Variants in ARHGAP15 observed in about 807,000 individuals in gnomAD.
ARHGAP15 encodes the protein rho GTPase-activating protein 15.
Under a neutral mutation model 63.7 loss-of-function variants are expected in ARHGAP15, and 51 were observed. The observed-to-expected ratio is 0.80, with a 90% CI of 0.64 to 1.01. The LOEUF (loss-of-function observed/expected upper bound fraction) is 1.01, where lower values mean the gene tolerates loss of function less well. ARHGAP15 is among the 50% of genes least tolerant of loss of function. ARHGAP15 has a pLI of 0.00. For missense variants in ARHGAP15, 560 were observed against 564.6 expected, an observed-to-expected ratio of 0.99 and a Z score of 0.08; for synonymous variants, 191 against 193.8, an observed-to-expected ratio of 0.99 and a Z score of 0.12.
At chr2:143,413,884 A>C (rs1688551256) in intron 6 of ARHGAP15, among the ~76,000 whole-genome samples, 1 of 148,992 alleles carries the variant, frequency 6.7e-6, no homozygotes, top group African/African-American at 2.5e-5. Context: ...CATGTTTTCT[A>C]TGTGTTGTTA....
chr2:143,559,847 A>G (rs997079204), intron 11 of ARHGAP15, among the ~76,000 whole-genome samples: 2 of 152,222 alleles, frequency 1.3e-5, no homozygotes, highest in Non-Finnish European at 2.9e-5. Context: ...GCAGTGCATC[A>G]TTTTTGCAGT....
intron 13 of ARHGAP15, among the ~76,000 whole-genome samples, chr2:143,728,196 G>C (rs1025594357): frequency 6.6e-6 from 1 of 152,178 alleles, no homozygotes; most frequent in African/African-American, 2.4e-5. Flanking sequence ...CTTGCACATG[G>C]CCACCTTCTT....
At chr2:143,463,120 T>C (rs1460955165) in intron 8 of ARHGAP15, among the ~76,000 whole-genome samples, 1 of 152,166 alleles carries the variant, frequency 6.6e-6, no homozygotes, top group Non-Finnish European at 1.5e-5. Flanking sequence ...AGTGTTAGTG[T>C]ATTTTATGTG....
intron 8 of ARHGAP15, among the ~76,000 whole-genome samples, chr2:143,466,306 A>AT (rs1558990456): frequency 6.6e-6 from 1 of 151,628 alleles, no homozygotes; most frequent in Non-Finnish European, 1.5e-5. Flanking sequence ...TTCCATATCC[A>AT]TTTTTTTAAA....
chr2:143,511,361 G>T (rs1177220732), intron 9 of ARHGAP15, among the ~76,000 whole-genome samples: 1 of 152,146 alleles, frequency 6.6e-6, no homozygotes, highest in Non-Finnish European at 1.5e-5. Context: ...TGCTGAAACG[G>T]TGGGATGAAG....
intron 13 of ARHGAP15, among the ~76,000 whole-genome samples, chr2:143,723,573 A>G (rs1476680841): frequency 6.6e-6 from 1 of 152,142 alleles, no homozygotes; most frequent in African/African-American, 2.4e-5. Context: ...CAATCTATAG[A>G]TTAAAGAGAG....
intron 6 of ARHGAP15, among the ~76,000 whole-genome samples, chr2:143,259,073 C>T (rs1413507805): frequency 6.6e-6 from 1 of 151,700 alleles, no homozygotes; most frequent in African/African-American, 2.4e-5. Context: ...TTCAAAATTC[C>T]CATGCCCTTG....
chr2:143,234,424 G>A (rs188487550), intron 5 of ARHGAP15, among the ~76,000 whole-genome samples: 30 of 152,200 alleles, frequency 2.0e-4, no homozygotes, highest in African/African-American at 7.0e-4. Context: ...ATCATGGGAG[G>A]CACTCTGAGG....
rs564252160 is a variant in ARHGAP15 at position 143,436,842 on chromosome 2, G to T, written c.574-71G>T. 1.0e-4 allele frequency: 155 copies of T among 1,543,510 alleles called. 1 individual carries two copies. In the Admixed American group the frequency reaches 3.0e-3, roughly 30 times the overall value. ...AAATTTCCCCATAAACAGCAAAATT[G>T]AACACAAAATTCTATGGTGAATCCT... On this transcript the variant is annotated intron_variant, in intron 7 of 13. Coordinates refer to ENST00000295095, the MANE Select transcript of ARHGAP15 (RefSeq NM_018460.4).
intron 10 of ARHGAP15, among the ~76,000 whole-genome samples, chr2:143,536,300 T>C (rs2105029687): frequency 6.6e-6 from 1 of 152,310 alleles, no homozygotes; most frequent in East Asian, 1.9e-4. Context: ...GATCATGCAA[T>C]ACGTATTTTT....
intron 6 of ARHGAP15, among the ~76,000 whole-genome samples, chr2:143,424,502 G>T (rs886097303): frequency 2.0e-5 from 3 of 152,024 alleles, no homozygotes; most frequent in African/African-American, 4.8e-5. Flanking sequence ...GAAGGGAAAA[G>T]ATTCCACAGA....
intron 6 of ARHGAP15, among the ~76,000 whole-genome samples, chr2:143,325,030 C>G (rs907107480): frequency 1.3e-5 from 2 of 152,114 alleles, no homozygotes; most frequent in African/African-American, 4.8e-5. Context: ...ACTAGTCAAT[C>G]TCAAGGTTTT....
intron 6 of ARHGAP15, among the ~76,000 whole-genome samples, chr2:143,429,812 G>A (rs765468202): frequency 2.0e-5 from 3 of 152,088 alleles, no homozygotes; most frequent in African/African-American, 4.8e-5. Flanking sequence ...AACATTTTCC[G>A]TTGCTTAAAA....
chr2:143,673,784 A>ATATATATATATAGAT (rs71404481), intron 12 of ARHGAP15, among the ~76,000 whole-genome samples: 1 of 114,200 alleles, frequency 8.8e-6, no homozygotes, highest in Non-Finnish European at 1.9e-5. Flanking sequence ...ATATATATAT[A>ATATATATATATAGAT]AACAACTCCT....
intron 2 of ARHGAP15, among the ~76,000 whole-genome samples, chr2:143,181,450 C>T (rs1477937986): frequency 1.3e-5 from 2 of 152,220 alleles, no homozygotes; most frequent in East Asian, 3.8e-4. Context: ...ATTTCATCTA[C>T]ATTGAAAATG....
At chr2:143,389,495 C>G (rs1467719122) in intron 6 of ARHGAP15, among the ~76,000 whole-genome samples, 1 of 152,162 alleles carries the variant, frequency 6.6e-6, no homozygotes, top group African/African-American at 2.4e-5. Flanking sequence ...TTTTCCCCGG[C>G]AGGTTCAGAA....
At chr2:143,561,928 TTGTG>T (rs1185894000) in intron 11 of ARHGAP15, among the ~76,000 whole-genome samples, 3 of 152,208 alleles carry the variant, frequency 2.0e-5, no homozygotes, top group Non-Finnish European at 4.4e-5. Context: ...AGAATCTTGT[TTGTG>T]TGTTTGTGAG....
In ARHGAP15 at chr2:143,431,292, C is replaced by T. The variant is rs543255768; in HGVS notation, c.475-4309C>T. Among the ~76,000 whole-genome samples, 9 of 152,130 alleles carry T rather than the reference C, an allele frequency of 5.9e-5. No individual in the cohort carries two copies. The South Asian group carries it at 1.7e-3, about 28-fold the overall frequency. ...AACTAGAAATCAAGATCTTTGTAAT[C>T]TCTTAATTCTATCATTTAAAATGAT... On this transcript the variant is annotated intron_variant, in intron 6 of 13. Transcript: ENST00000295095.
intron 9 of ARHGAP15, among the ~76,000 whole-genome samples, chr2:143,499,840 T>C (rs535375684): frequency 2.0e-4 from 31 of 152,240 alleles, no homozygotes; most frequent in African/African-American, 7.0e-4. Flanking sequence ...CTTATTCTCC[T>C]AAGAACAATT....
Sources: gnomAD v4.1 joint callset for allele counts (sites outside exome capture counted in the v4.1 genomes callset) on GRCh38, gnomAD v4.1.1 for gene constraint, MANE v1.5 for transcripts, NCBI Gene and HGNC (gene_info 2026-07-23, HGNC 2026-07-21) for gene names.